ACYP2: variants seen among roughly 807,000 people sequenced by gnomAD.
ACYP2 encodes acylphosphatase 2.
Under a neutral mutation model 11.2 loss-of-function variants are expected in ACYP2, and 12 were observed. The observed-to-expected ratio is 1.08, with a 90% CI of 0.69 to 1.74. ACYP2 has a LOEUF of 1.74. ACYP2 is among the 40% of genes most tolerant of loss of function. The pLI, the probability that ACYP2 is intolerant of heterozygous loss-of-function variation, is 0.00. For missense variants in ACYP2, 134 were observed against 101.9 expected (o/e 1.31, Z -1.35); for synonymous variants, 43 against 32.2 (o/e 1.33, Z -1.13).
intron 6 of ACYP2, among the ~76,000 whole-genome samples, chr2:54,187,661 G>A (rs1487184040): frequency 6.6e-6 from 1 of 152,190 alleles, no homozygotes; most frequent in Non-Finnish European, 1.5e-5. Flanking sequence ...CATGGTGCCT[G>A]GTAAGCACTG....
At position 54,199,175 on chromosome 2, in the gene ACYP2, G is replaced by A. The variant is rs539977144; in HGVS notation, c.404+60427G>A. Among the ~76,000 whole-genome samples the A allele has an allele frequency of 1.2e-4, 18 of 152,262 alleles. 1 individual carries two copies. Among genetic ancestry groups the A allele is most frequent in the African/African-American group, 4.1e-4 (17 of 41,554 alleles). ...TCAGCCCTGTGAACGGTCCTTGCTC[G>A]CTGAGTTGTAGATGTAACACTCTTA... On this transcript the variant is annotated intron_variant, in intron 6 of 6. Coordinates refer to ENST00000607452, the MANE Select transcript of ACYP2 (RefSeq NM_001320586.2).
intron 6 of ACYP2, among the ~76,000 whole-genome samples, chr2:54,212,512 T>C (rs1445629040): frequency 6.6e-6 from 1 of 152,230 alleles, no homozygotes; most frequent in East Asian, 1.9e-4. Context: ...TAGTGGTCTG[T>C]CTTCCAGGCT....
At chr2:54,105,944 C>A (rs189238991) in intron 4 of ACYP2, among the ~76,000 whole-genome samples, 16 of 151,782 alleles carry the variant, frequency 1.1e-4, no homozygotes, top group African/African-American at 3.1e-4. Flanking sequence ...CGCAAAAGGC[C>A]GGATTCTAGA....
chr2:54,082,373 A>G (rs572547535), intron 4 of ACYP2, among the ~76,000 whole-genome samples: 40 of 151,966 alleles, frequency 2.6e-4, no homozygotes, highest in African/African-American at 8.9e-4. Flanking sequence ...AGCCTCCTGA[A>G]TAGCTGGGAT....
At chr2:54,160,369 T>C (rs1682657808) in intron 6 of ACYP2, among the ~76,000 whole-genome samples, 1 of 152,200 alleles carries the variant, frequency 6.6e-6, no homozygotes, top group African/African-American at 2.4e-5. Flanking sequence ...CTATTGTCCA[T>C]CCCTGGCAGT....
At chr2:54,118,978 C>T (rs1366774704) in intron 4 of ACYP2, among the ~76,000 whole-genome samples, 1 of 144,062 alleles carries the variant, frequency 6.9e-6, no homozygotes, top group Non-Finnish European at 1.5e-5. Context: ...CAGATGGAGA[C>T]ATTGAGGCGT....
chr2:54,018,858 CT>C (rs1333876008), intron 2 of ACYP2, among the ~76,000 whole-genome samples: 1 of 152,016 alleles, frequency 6.6e-6, no homozygotes, highest in Non-Finnish European at 1.5e-5. Context: ...AGTGATTCTC[CT>C]GCCTCAGCCT....
At chr2:54,259,525 T>G (rs1687692131) in intron 6 of ACYP2, among the ~76,000 whole-genome samples, 1 of 151,890 alleles carries the variant, frequency 6.6e-6, no homozygotes, top group Non-Finnish European at 1.5e-5. Flanking sequence ...AAGCCAAATG[T>G]GTAAAGGAAG....
At chr2:54,113,554 A>C (rs1175788955) in intron 4 of ACYP2, among the ~76,000 whole-genome samples, 1 of 148,560 alleles carries the variant, frequency 6.7e-6, no homozygotes, top group African/African-American at 2.5e-5. Context: ...CAAGATACTT[A>C]AAAAAAAAAA....
chr2:54,173,779 CATTT>C (rs1683322140), intron 6 of ACYP2, among the ~76,000 whole-genome samples: 3 of 152,182 alleles, frequency 2.0e-5, no homozygotes, highest in South Asian at 4.1e-4. Context: ...TTTCCAGCAC[CATTT>C]ATTAAATAGA....
At chr2:54,045,888 A>G (rs1384563701) in intron 2 of ACYP2, among the ~76,000 whole-genome samples, 1 of 148,088 alleles carries the variant, frequency 6.8e-6, no homozygotes, top group African/African-American at 2.5e-5. Flanking sequence ...AGGATTGGCT[A>G]GGCTGGGAGC....
chr2:54,006,739 C>G (rs1673084706), intron 2 of ACYP2, among the ~76,000 whole-genome samples: 1 of 152,078 alleles, frequency 6.6e-6, no homozygotes, highest in Admixed American at 6.6e-5. Context: ...CTCAAACTAT[C>G]TATAGGAGAT....
intron 4 of ACYP2, among the ~76,000 whole-genome samples, chr2:54,090,348 C>T (rs1025450807): frequency 4.0e-5 from 6 of 151,888 alleles, no homozygotes; most frequent in African/African-American, 1.2e-4. Context: ...AAAGTGTTTT[C>T]GGCCAGGTGC....
chr2:54,204,828 A>G (rs1685005530), intron 6 of ACYP2, among the ~76,000 whole-genome samples: 1 of 151,954 alleles, frequency 6.6e-6, no homozygotes, highest in African/African-American at 2.4e-5. Flanking sequence ...TGCCTGTTAT[A>G]TTTTCACCAC....
At chr2:53,989,142 T>G (rs1035259083) in intron 2 of ACYP2, among the ~76,000 whole-genome samples, 7 of 152,142 alleles carry the variant, frequency 4.6e-5, no homozygotes, top group African/African-American at 1.7e-4. Context: ...TCATCGTTAC[T>G]CTAACATGCA....
At chr2:54,165,468 C>T (rs1288264443) in intron 6 of ACYP2, among the ~76,000 whole-genome samples, 2 of 151,924 alleles carry the variant, frequency 1.3e-5, no homozygotes, top group Admixed American at 6.6e-5. Flanking sequence ...GTCTGTCTCT[C>T]TCTTTCTCTG....
At chr2:54,049,347 C>G (rs1415097404) in intron 2 of ACYP2, among the ~76,000 whole-genome samples, 2 of 152,104 alleles carry the variant, frequency 1.3e-5, no homozygotes, top group African/African-American at 4.8e-5. Context: ...TGCCTTACCT[C>G]CTCAGACACT....
intron 6 of ACYP2, among the ~76,000 whole-genome samples, chr2:54,173,676 A>T (rs1000765715): frequency 6.6e-6 from 1 of 152,140 alleles, no homozygotes; most frequent in African/African-American, 2.4e-5. Flanking sequence ...TTTTAGGTCT[A>T]ACATTTAAGT....
chr2:54,035,888 A>T (rs886172793), intron 2 of ACYP2, among the ~76,000 whole-genome samples: 1 of 152,186 alleles, frequency 6.6e-6, no homozygotes, highest in Non-Finnish European at 1.5e-5. Flanking sequence ...GAGCAGAAAA[A>T]TATTAAATTT....
Sources: gnomAD v4.1 joint callset for allele counts (sites outside exome capture counted in the v4.1 genomes callset) on GRCh38, gnomAD v4.1.1 for gene constraint, MANE v1.5 for transcripts, NCBI Gene and HGNC (gene_info 2026-07-23, HGNC 2026-07-21) for gene names.